VEPH1: variants seen among roughly 807,000 people sequenced by gnomAD.
VEPH1 encodes the protein ventricular zone-expressed PH domain-containing protein homolog 1.
VEPH1 carries 80 observed loss-of-function variants against 85.2 expected under a neutral mutation model. The observed-to-expected ratio is 0.94, with a 90% confidence interval of 0.78 to 1.13. The LOEUF (loss-of-function observed/expected upper bound fraction) is 1.13, where lower values mean the gene tolerates loss of function less well. Ranked by LOEUF, VEPH1 falls within the 50% of genes most tolerant of loss-of-function variation. The pLI, the probability that VEPH1 is intolerant of heterozygous loss-of-function variation, is 0.00. For missense variants in VEPH1, 955 were observed against 980.5 expected, an observed-to-expected ratio of 0.97 and a Z score of 0.35; for synonymous variants, 297 against 348.0, an observed-to-expected ratio of 0.85 and a Z score of 1.63.
intron 9 of VEPH1, among the ~76,000 whole-genome samples, chr3:157,350,015 A>G (rs1724693312): frequency 6.6e-6 from 1 of 152,198 alleles, no homozygotes; most frequent in South Asian, 2.1e-4. Flanking sequence ...AAATAGAAAA[A>G]AAATCCTAGA....
chr3:157,331,155 C>G (rs1000523659), intron 9 of VEPH1, among the ~76,000 whole-genome samples: 1 of 152,190 alleles, frequency 6.6e-6, no homozygotes, highest in African/African-American at 2.4e-5. Context: ...GATGCTGGGG[C>G]TCATCTGCAG....
chr3:157,470,644 G>A (rs960364630), intron 2 of VEPH1, 115 bp from the exon 3 acceptor site: 20 of 949,244 alleles, frequency 2.1e-5, no homozygotes, highest in Middle Eastern at 2.4e-4. Flanking sequence ...GTGCTAAGGG[G>A]TGAGGGTGTA....
chr3:157,342,455 T>A (rs1723694522), intron 9 of VEPH1, among the ~76,000 whole-genome samples: 1 of 152,140 alleles, frequency 6.6e-6, no homozygotes, highest in South Asian at 2.1e-4. Context: ...GCTAAAGGGA[T>A]CAATTCAACA....
intron 9 of VEPH1, among the ~76,000 whole-genome samples, chr3:157,339,675 A>C (rs1723318353): frequency 6.6e-6 from 1 of 152,232 alleles, no homozygotes; most frequent in Admixed American, 6.5e-5. Flanking sequence ...GGGTGGGAAC[A>C]CAAAGGAATG....
At chr3:157,326,797 C>T (rs570596330) in intron 9 of VEPH1, among the ~76,000 whole-genome samples, 10 of 152,276 alleles carry the variant, frequency 6.6e-5, no homozygotes, top group East Asian at 3.9e-4. Context: ...CAATGGTCAC[C>T]GCTGAAGATT....
At chr3:157,307,501 A>G (rs1719643146) in intron 11 of VEPH1, among the ~76,000 whole-genome samples, 1 of 152,004 alleles carries the variant, frequency 6.6e-6, no homozygotes, top group East Asian at 1.9e-4. Flanking sequence ...CATTATTTAA[A>G]ACATATTTTA....
chr3:157,267,050 A>T (rs1236938248), intron 12 of VEPH1, among the ~76,000 whole-genome samples: 1 of 151,818 alleles, frequency 6.6e-6, no homozygotes, highest in Non-Finnish European at 1.5e-5. Flanking sequence ...TTCAGGATAA[A>T]AATAATAAAA....
intron 9 of VEPH1, among the ~76,000 whole-genome samples, chr3:157,359,709 A>G (rs1305993411): frequency 1.3e-5 from 2 of 152,216 alleles, no homozygotes; most frequent in African/African-American, 4.8e-5. Context: ...TACAGTGACC[A>G]GTGAGGTTCC....
At chr3:157,295,058 C>A (rs1036017583) in intron 11 of VEPH1, among the ~76,000 whole-genome samples, 1 of 152,110 alleles carries the variant, frequency 6.6e-6, no homozygotes, top group Non-Finnish European at 1.5e-5. Context: ...TGTTCCACCC[C>A]CTATGTAAAT....
intron 9 of VEPH1, among the ~76,000 whole-genome samples, chr3:157,335,988 C>T (rs916239471): frequency 6.6e-6 from 1 of 152,318 alleles, no homozygotes; most frequent in African/African-American, 2.4e-5. Flanking sequence ...GAGACCCTGA[C>T]ATGCAAATCA....
intron 9 of VEPH1, among the ~76,000 whole-genome samples, chr3:157,330,417 T>G (rs1216799832): frequency 6.6e-6 from 1 of 152,222 alleles, no homozygotes; most frequent in Non-Finnish European, 1.5e-5. Flanking sequence ...AGAAAGCTGT[T>G]GAGCTGTTGC....
chr3:157,432,420 T>G (rs1415842399), intron 4 of VEPH1, among the ~76,000 whole-genome samples: 5 of 152,148 alleles, frequency 3.3e-5, no homozygotes, highest in Non-Finnish European at 7.4e-5. Context: ...ATATTTTCTC[T>G]TAAAGGCATT....
At chr3:157,397,227 G>A (rs1730465850) in intron 6 of VEPH1, among the ~76,000 whole-genome samples, 1 of 152,098 alleles carries the variant, frequency 6.6e-6, no homozygotes, top group Non-Finnish European at 1.5e-5. Context: ...GTTTGTTGGA[G>A]GTCAGATGGT....
chr3:157,470,749 T>C (rs756538079), intron 2 of VEPH1, among the ~76,000 whole-genome samples: 1 of 152,156 alleles, frequency 6.6e-6, no homozygotes, highest in Non-Finnish European at 1.5e-5. Context: ...GGTTCTACTA[T>C]CACCCTTAGA....
chr3:157,285,898 AG>A (rs569718748), intron 12 of VEPH1, among the ~76,000 whole-genome samples: 4 of 152,186 alleles, frequency 2.6e-5, no homozygotes, highest in Non-Finnish European at 5.9e-5. Context: ...TTTCCTCATC[AG>A]TAAAGCAGAG....
chr3:157,285,732 C>T (rs1055324730), intron 12 of VEPH1, among the ~76,000 whole-genome samples: 5 of 152,144 alleles, frequency 3.3e-5, no homozygotes, highest in African/African-American at 4.8e-5. Context: ...TTATTAGCAA[C>T]GTGTTTCCAC....
intron 5 of VEPH1, among the ~76,000 whole-genome samples, chr3:157,416,201 C>A (rs935418980): frequency 7.2e-5 from 11 of 152,158 alleles, no homozygotes; most frequent in African/African-American, 2.7e-4. Context: ...ACATCTCCCC[C>A]ACCCTATAGT....
At chr3:157,499,281 G>C (rs1324380221) in intron 1 of VEPH1, 13 of 112,858 alleles carry the variant, frequency 1.2e-4, no homozygotes, top group Admixed American at 9.4e-4. Context: ...GCAGGTATTT[G>C]CTGGCGAATC....
chr3:157,336,667 T>A (rs1255069583), intron 9 of VEPH1, among the ~76,000 whole-genome samples: 2 of 152,080 alleles, frequency 1.3e-5, no homozygotes, highest in African/African-American at 2.4e-5. Flanking sequence ...AAGTCTCGCA[T>A]GGAGGATCAG....
Sources: allele counts gnomAD v4.1 joint callset (sites outside exome capture counted in the v4.1 genomes callset), GRCh38; gene constraint gnomAD v4.1.1; transcripts MANE v1.5; gene names NCBI Gene and HGNC (gene_info 2026-07-23, HGNC 2026-07-21).